Variants in VIL1 observed in about 807,000 individuals in gnomAD.
VIL1 encodes villin-1.
Under a neutral mutation model 104.0 loss-of-function variants are expected in VIL1, and 86 were observed. The observed-to-expected ratio is 0.83, with a 90% CI of 0.69 to 0.99. The LOEUF is 0.99. Among genes scored for constraint, VIL1 ranks in the 50% least tolerant of loss-of-function variants. The pLI is 0.00. For missense variants in VIL1, 944 were observed against 1,054.1 expected, an observed-to-expected ratio of 0.90 and a Z score of 1.45; for synonymous variants, 394 against 412.6, an observed-to-expected ratio of 0.95 and a Z score of 0.55.
intron 19 of VIL1, among the ~76,000 whole-genome samples, chr2:218,443,201 T>TC (rs1485360630): frequency 0.025 from 811 of 32,142 alleles, 4 homozygotes; most frequent in Middle Eastern, 0.19. Context: ...GGTATTTCTT[T>TC]CTTTTTTTTT....
At chr2:218,434,502 CCT>C (rs759472964) in intron 13 of VIL1, 22 bp from the exon 14 acceptor site, 9 of 1,595,228 alleles carry the variant, frequency 5.6e-6, no homozygotes, top group Admixed American at 1.7e-5. Context: ...ACTCTCTCTC[CCT>C]GTCTTCTGCC....
At chr2:218,434,936 T>C (rs548867394) in intron 14 of VIL1, among the ~76,000 whole-genome samples, 1 of 152,350 alleles carries the variant, frequency 6.6e-6, no homozygotes, top group African/African-American at 2.4e-5. Flanking sequence ...AGTCAGTCTC[T>C]CTTGTTCTGT....
intron 1 of VIL1, among the ~76,000 whole-genome samples, chr2:218,420,219 C>G (rs1688876323): frequency 6.6e-6 from 1 of 152,070 alleles, no homozygotes; most frequent in Non-Finnish European, 1.5e-5. Flanking sequence ...CACTTGAGGT[C>G]AGGACTTCAA....
At chr2:218,432,483 T>C (rs1427194330) in intron 12 of VIL1, 1 of 688,568 alleles carries the variant, frequency 1.5e-6, no homozygotes, top group Admixed American at 2.0e-5. Context: ...TAGGACTGAG[T>C]GGTGTGGTGC....
intron 14 of VIL1, 127 bp downstream of exon 14, chr2:218,434,832 G>T: frequency 4.1e-6 from 4 of 971,848 alleles, no homozygotes; most frequent in Non-Finnish European, 6.0e-6. Flanking sequence ...ATTCTCAGCC[G>T]CCTCTGGAGC....
At chr2:218,430,982 C>G (rs1475151067) in intron 10 of VIL1, 104 bp downstream of exon 10, 3 of 1,442,108 alleles carry the variant, frequency 2.1e-6, no homozygotes, top group Admixed American at 2.2e-5. Context: ...GCATCTTCAA[C>G]GAAGACTTTT....
chr2:218,421,623 A>G (rs776913848), intron 1 of VIL1, among the ~76,000 whole-genome samples: 12 of 152,090 alleles, frequency 7.9e-5, no homozygotes, highest in Non-Finnish European at 1.6e-4. Flanking sequence ...TGGAGGGTAT[A>G]CACCAGGTAG....
rs116182964 is a variant in VIL1, at chr2:218,424,104, T to C, written c.76-173T>C. ...TCACTCATCCCTTCCTTTCCCTCCATTGATTTTCCTTCTCCCGCCCCTCAC... is the reference window on the plus strand; with the variant it reads ...TCACTCATCCCTTCCTTTCCCTCCACTGATTTTCCTTCTCCCGCCCCTCAC... On this transcript the variant is annotated intron_variant, in intron 2 of 19. Coordinates refer to ENST00000248444, the MANE Select transcript of VIL1 (RefSeq NM_007127.3). Among the ~76,000 whole-genome samples the C allele has an allele frequency of 8.9e-3, 1,351 of 152,192 alleles. 22 individuals carry two copies. Among genetic ancestry groups the C allele is most frequent in the African/African-American group, 0.03 (1,256 of 41,526 alleles).
At chr2:218,426,815 G>A (rs1689010027) in intron 4 of VIL1, among the ~76,000 whole-genome samples, 1 of 151,038 alleles carries the variant, frequency 6.6e-6, no homozygotes, top group East Asian at 2.0e-4. Flanking sequence ...TGTTAGCCAG[G>A]ATGGTCTCAA....
At position 218,430,922 on chromosome 2, in the gene VIL1, C is replaced by G. The variant is rs776081067; in HGVS notation, c.1102+44C>G. The stretch of plus-strand genomic sequence containing the variant: ...CAGTGAGGGAGCCAGGATCCAGGAG[C>G]TGGGCCAGGAGAGCCACTTGGTCCA... On this transcript the variant is annotated intron_variant, in intron 10 of 19. Coordinates refer to ENST00000248444, the MANE Select transcript of VIL1 (RefSeq NM_007127.3). 8.8e-6 allele frequency: 14 copies of G among 1,584,930 alleles called. 1 individual carries two copies. In the South Asian group the frequency reaches 1.6e-4, roughly 18 times the overall value.
At chr2:218,423,881 G>C in intron 2 of VIL1, 28 bp downstream of exon 2, 1 of 1,613,366 alleles carries the variant, frequency 6.2e-7, no homozygotes, top group Non-Finnish European at 8.5e-7. Context: ...CATGGGGGCT[G>C]CTCAGGCCTG....
In VIL1 at chr2:218,438,167, C is replaced by CTCATTCAT. The variant is rs138206017; in HGVS notation, c.2161-475_2161-468dup. 1.2e-3 allele frequency among the ~76,000 whole-genome samples: 183 copies of CTCATTCAT among 151,462 alleles called. 1 individual carries two copies. The highest frequency in any genetic ancestry group is 3.4e-3 in the Middle Eastern group (1 of 292). ...CTGGCTTCTCTCTCAGCCTCATTCACTCATTCATTCATTCATTCATTCAGC... is the reference window on the plus strand; with the variant it reads ...CTGGCTTCTCTCTCAGCCTCATTCACTCATTCATTCATTCATTCATTCATTCATTCAGC... On this transcript the variant is annotated intron_variant, in intron 17 of 19. Transcript: ENST00000248444.
At chr2:218,447,824 T>G (rs1305053102) in intron 19 of VIL1, among the ~76,000 whole-genome samples, 4 of 151,522 alleles carry the variant, frequency 2.6e-5, no homozygotes, top group Non-Finnish European at 5.9e-5. Context: ...GCCTCCTGGG[T>G]TCAAGCAATT....
chr2:218,435,377 A>G lies in VIL1; in HGVS notation c.1769A>G (p.Glu590Gly), dbSNP rs753406084. The G allele has an allele frequency of 6.2e-7, 1 of 1,614,144 alleles. No homozygotes were observed. Among genetic ancestry groups the G allele is most frequent in the Non-Finnish European group, 8.5e-7 (1 of 1,180,006 alleles). The change falls in exon 15 of 20, where the codon GAG becomes GGG. Residue 590 changes from glutamate (E) to glycine (G), a missense_variant. Glu to Gly is a moderately conservative substitution (Grantham distance 98). Coordinates refer to ENST00000248444, the MANE Select transcript of VIL1 (RefSeq NM_007127.3). ...TEKQVVVEGQ[E>G]PANFWMALGG... is the part of the protein sequence containing the mutation. ...AAGCAAGTGGTGGTGGAAGGGCAGG[A>G]GCCAGCCAACTTCTGGATGGCCCTG...
Position 218,437,259 on chromosome 2 carries a change from G to A in VIL1, c.2107G>A (p.Glu703Lys), listed in dbSNP as rs1689211341. 1.9e-6 allele frequency: 3 copies of A among 1,614,202 alleles called. No homozygotes were observed. Among genetic ancestry groups the A allele is most frequent in the Non-Finnish European group, 2.5e-6 (3 of 1,180,032 alleles). Reference sequence around the variant, plus strand: ...CATCATTGTGGTGAAGCAGGGACACGAGCCCCCCACCTTCACAGGCTGGTT... The same window carrying A: ...CATCATTGTGGTGAAGCAGGGACACAAGCCCCCCACCTTCACAGGCTGGTT... Reference protein sequence around the residue: ...TPIIVVKQGHEPPTFTGWFLA... With the variant: ...TPIIVVKQGHKPPTFTGWFLA... The change falls in exon 17 of 20, where the codon GAG (glutamate) becomes AAG (lysine). Residue 703 changes from glutamate to lysine, a missense_variant. By Grantham distance (56) the Glu-to-Lys change is moderately conservative. Transcript: ENST00000248444.
intron 19 of VIL1, 147 bp downstream of exon 19, chr2:218,441,009 G>T: frequency 1.0e-6 from 1 of 961,264 alleles, no homozygotes; most frequent in Non-Finnish European, 1.5e-6. Flanking sequence ...TATCCCAGGA[G>T]GAGAGAGATC....
intron 18 of VIL1, 77 bp from the exon 19 acceptor site, chr2:218,440,645 G>A (rs1689270422): frequency 6.3e-7 from 1 of 1,586,052 alleles, no homozygotes; most frequent in Non-Finnish European, 8.6e-7. Context: ...GTGCCCTAGA[G>A]ACTTCAGAGA....
Position 218,432,060 on chromosome 2 carries a change from G to C in VIL1, c.1218G>C (p.Glu406Asp). 3 of 1,614,128 alleles carry C rather than the reference G, an allele frequency of 1.9e-6. No individual in the cohort carries two copies. The highest frequency in any genetic ancestry group is 2.5e-6 in the Non-Finnish European group (3 of 1,180,020). Residue 406 changes from glutamate to aspartate, a missense_variant, in exon 12 of 20, where the codon GAG (glutamate) becomes GAC (aspartate). By Grantham distance (45) the Glu-to-Asp change is conservative (BLOSUM62 2). Coordinates refer to ENST00000248444, the MANE Select transcript of VIL1 (RefSeq NM_007127.3). The part of the protein sequence containing the change: ...GSGEVQVWRI[E>D]NLELVPVDSK... The stretch of plus-strand genomic sequence containing the variant: ...ACTGGCCCTAGGTGTGGCGCATTGA[G>C]AACCTAGAGCTGGTACCTGTGGATT...
chr2:218,446,155 C>T (rs550512131), intron 19 of VIL1, among the ~76,000 whole-genome samples: 6 of 152,276 alleles, frequency 3.9e-5, no homozygotes, highest in Admixed American at 1.3e-4. Context: ...CCCTCCCGCT[C>T]TAAGCAAAAC....
Sources: gnomAD v4.1 joint callset for allele counts (sites outside exome capture counted in the v4.1 genomes callset) on GRCh38, gnomAD v4.1.1 for gene constraint, MANE v1.5 for transcripts, NCBI Gene and HGNC (gene_info 2026-07-23, HGNC 2026-07-21) for gene names.